The following BUB1B variants were observed in gnomAD, a reference collection of about 807,000 sequenced individuals.
BUB1B encodes the protein BUB1 mitotic checkpoint serine/threonine kinase B, also known as mitotic checkpoint serine/threonine-protein kinase BUB1 beta.
In BUB1B, 86 loss-of-function variants were observed where a neutral mutation model predicts 137.7. That is an observed-to-expected ratio of 0.62 (90% confidence interval 0.52 to 0.75). The LOEUF (loss-of-function observed/expected upper bound fraction) is 0.75. BUB1B is among the 30% of genes least tolerant of loss of function. The pLI is 0.00. For synonymous variants in BUB1B, 420 were observed against 417.9 expected, an observed-to-expected ratio of 1.00 and a Z score of -0.06; for missense variants, 1,130 against 1,236.9, an observed-to-expected ratio of 0.91 and a Z score of 1.30.
In BUB1B at chr15:40,219,432, A is replaced by G. The variant is rs147691914; in HGVS notation, c.2957+870A>G. 5.2e-3 allele frequency among the ~76,000 whole-genome samples: 789 copies of G among 152,088 alleles called. 2 individuals carry two copies. Among genetic ancestry groups the G allele is most frequent in the Non-Finnish European group, 9.2e-3 (624 of 67,960 alleles). ...TCCCTCAAGCCTGCTCATAAAACTT[A>G]CTAAGTCAGCCGGGCATGGTGGCTC... On this transcript the variant is annotated intron_variant, in intron 22 of 22. Transcript: ENST00000287598.
At chr15:40,203,120 C>T (rs1275181949) in intron 14 of BUB1B, among the ~76,000 whole-genome samples, 3 of 152,064 alleles carry the variant, frequency 2.0e-5, no homozygotes, top group Admixed American at 1.3e-4. Context: ...TGTTCATAGC[C>T]GTATTACTCA....
intron 20 of BUB1B, 48 bp from the exon 21 acceptor site, chr15:40,217,448 C>G: frequency 2.3e-4 from 354 of 1,519,384 alleles, no homozygotes; most frequent in Non-Finnish European, 3.0e-4. Flanking sequence ...TATGCAGCTT[C>G]TTTCATGGCC....
At chr15:40,183,143 C>G (rs1379946057) in intron 5 of BUB1B, among the ~76,000 whole-genome samples, 1 of 152,150 alleles carries the variant, frequency 6.6e-6, no homozygotes, top group Non-Finnish European at 1.5e-5. Context: ...TGGAGAATCT[C>G]TTCTGATAAT....
intron 5 of BUB1B, among the ~76,000 whole-genome samples, chr15:40,177,765 T>G (rs534059791): frequency 1.1e-4 from 16 of 151,996 alleles, no homozygotes; most frequent in Admixed American, 3.9e-4. Flanking sequence ...TATACAGGAA[T>G]ATGGTATAAT....
rs765119108 is a variant in BUB1B, at chr15:40,210,119, A to G, written c.2294A>G (p.Asp765Gly). 5.0e-6 allele frequency: 8 copies of G among 1,608,434 alleles called. No homozygotes were observed. Among genetic ancestry groups the G allele is most frequent in the Non-Finnish European group, 6.8e-6 (8 of 1,175,038 alleles). Residue 765 changes from aspartate to glycine, a missense_variant, in exon 18 of 23, where the codon GAT (aspartate) becomes GGT (glycine). Transcript: ENST00000287598. ...IEKEIELGNE[D>G]YCIKREYLIC... ...CAAACTTTCTCAACAGGTAATGAGG[A>G]TTACTGCATTAAACGAGAATACCTA... is the stretch of plus-strand genomic sequence containing the variant.
At chr15:40,195,996 C>T (rs766820830) in intron 8 of BUB1B, among the ~76,000 whole-genome samples, 2 of 152,128 alleles carry the variant, frequency 1.3e-5, no homozygotes, top group African/African-American at 2.4e-5. Context: ...TTAGCCCCAT[C>T]TAATTATCTT....
Position 40,206,275 on chromosome 15 carries a change from G to A in BUB1B, c.1826G>A (p.Cys609Tyr). 1 of 1,614,170 alleles carries A rather than the reference G, an allele frequency of 6.2e-7. No individual in the cohort carries two copies. The highest frequency in any genetic ancestry group is 8.5e-7 in the Non-Finnish European group (1 of 1,180,024). ...VTICPNPEDTCDFARAARFVS... is the reference protein window; with the variant it reads ...VTICPNPEDTYDFARAARFVS... ...ATTTGTCCTAACCCAGAAGACACTT[G>A]TGACTTTGCCAGAGCAGCTCGTTTT... The change falls in exon 15 of 23, where the codon TGT (cysteine) becomes TAT (tyrosine). Residue 609 changes from cysteine (C) to tyrosine (Y), a missense_variant. Transcript: ENST00000287598.
chr15:40,208,746 C>A lies in BUB1B; in HGVS notation c.2119C>A (p.Leu707Ile). ...SIKCLQIPEK[L>I]ELTNETSENP... ...CAAATGTCTTCAAATTCCTGAGAAACTAGAACTTACTAATGAGACTTCAGG... is the reference window on the plus strand; with the variant it reads ...CAAATGTCTTCAAATTCCTGAGAAAATAGAACTTACTAATGAGACTTCAGG... Residue 707 changes from leucine (L) to isoleucine (I), a missense_variant, in exon 16 of 23, where the codon CTA (leucine) becomes ATA (isoleucine). Transcript: ENST00000287598. 6.2e-7 allele frequency: 1 copy of A among 1,613,118 alleles called. No individual in the cohort carries two copies. The highest frequency in any genetic ancestry group is 8.5e-7 in the Non-Finnish European group (1 of 1,179,096).
chr15:40,217,778 A>T, intron 21 of BUB1B, 111 bp downstream of exon 21: 1 of 1,309,452 alleles, frequency 7.6e-7, no homozygotes, highest in Non-Finnish European at 1.1e-6. Context: ...AGAATAGATG[A>T]CCTAGTTTTC....
At chr15:40,213,572 G>A (rs1401193591) in intron 20 of BUB1B, 98 bp downstream of exon 20, 2 of 1,342,274 alleles carry the variant, frequency 1.5e-6, no homozygotes, top group East Asian at 2.3e-5. Context: ...GTCTCACTCT[G>A]TCACCTAGGT....
rs139918078 is a variant in BUB1B, at chr15:40,205,619, T to C, written c.1735-565T>C. Among the ~76,000 whole-genome samples, 112 of 152,350 alleles carry C rather than the reference T, an allele frequency of 7.4e-4. 1 individual carries two copies. In the East Asian group the frequency reaches 0.011, roughly 14 times the overall value. On this transcript the variant is annotated intron_variant, in intron 14 of 22. Transcript: ENST00000287598. ...AACCTGAAAGTTGGTTAATTTCTTA[T>C]AGACCCACAATGTGGCCATTATGTT...
At position 40,185,643 on chromosome 15, in the gene BUB1B, G is replaced by T. The variant is rs1196631595; in HGVS notation, c.1058+1G>T. 6.2e-7 allele frequency: 1 copy of T among 1,612,186 alleles called. No individual in the cohort carries two copies. The highest frequency in any genetic ancestry group is 2.2e-5 in the East Asian group (1 of 44,876). On this transcript the variant is annotated splice_donor_variant, in intron 8 of 22. Transcript: ENST00000287598. LOFTEE classifies it high-confidence loss of function. ...AAGAGACTGCACGACAGCCAGTTAT[G>T]TGAGTGTGGTTTTTGGATATTTTGA...
At chr15:40,179,073 A>G (rs1324059193) in intron 5 of BUB1B, among the ~76,000 whole-genome samples, 4 of 151,948 alleles carry the variant, frequency 2.6e-5, no homozygotes, top group African/African-American at 7.3e-5. Flanking sequence ...GGATTTGCTT[A>G]TTCTGGACAT....
intron 8 of BUB1B, among the ~76,000 whole-genome samples, chr15:40,194,022 CTA>C (rs2037469001): frequency 6.6e-6 from 1 of 152,074 alleles, no homozygotes; most frequent in Admixed American, 6.5e-5. Flanking sequence ...CAACTTCCAT[CTA>C]TATGTCTTCT....
chr15:40,182,661 A>T (rs537369738), intron 5 of BUB1B, among the ~76,000 whole-genome samples: 1 of 152,260 alleles, frequency 6.6e-6, no homozygotes, highest in East Asian at 1.9e-4. Context: ...GGAACCTAAG[A>T]TGTATGCCAA....
intron 5 of BUB1B, among the ~76,000 whole-genome samples, chr15:40,183,006 A>G (rs1035831195): frequency 9.2e-5 from 14 of 152,126 alleles, no homozygotes; most frequent in African/African-American, 3.4e-4. Context: ...AGTGAGAGAA[A>G]GAGAAAAGGT....
intron 5 of BUB1B, 148 bp downstream of exon 5, chr15:40,176,821 AT>A: frequency 2.4e-6 from 2 of 849,168 alleles, no homozygotes; most frequent in South Asian, 1.8e-5. Context: ...TATTTTAAAA[AT>A]TTTATTTATC....
At chr15:40,169,433 A>T (rs1201346754) in intron 2 of BUB1B, among the ~76,000 whole-genome samples, 3 of 152,006 alleles carry the variant, frequency 2.0e-5, no homozygotes, top group Non-Finnish European at 2.9e-5. Flanking sequence ...TGTCCGTGTT[A>T]CTCAGCTTGT....
chr15:40,190,333 T>G (rs1461302249), intron 8 of BUB1B, among the ~76,000 whole-genome samples: 2 of 152,180 alleles, frequency 1.3e-5, no homozygotes, highest in Non-Finnish European at 2.9e-5. Context: ...AGGCTGGGCA[T>G]GGTGGCTGAT....
Sources: gnomAD v4.1 joint callset for allele counts (sites outside exome capture counted in the v4.1 genomes callset) on GRCh38, gnomAD v4.1.1 for gene constraint, MANE v1.5 for transcripts, NCBI Gene and HGNC (gene_info 2026-07-23, HGNC 2026-07-21) for gene names.